The following TYW1B variants were observed in gnomAD, a reference collection of about 807,000 sequenced individuals.
The protein encoded by TYW1B is S-adenosyl-L-methionine-dependent tRNA 4-demethylwyosine synthase TYW1B.
TYW1B carries 73 observed loss-of-function variants against 86.9 expected under a neutral mutation model. The observed-to-expected ratio is 0.84, with a 90% CI of 0.70 to 1.02. The LOEUF (loss-of-function observed/expected upper bound fraction) is 1.02, where lower values mean the gene tolerates loss of function less well. Ranked by LOEUF, TYW1B falls within the 50% of genes least tolerant of loss-of-function variation. The probability of loss-of-function intolerance (pLI) is 0.00; values close to 1 mark genes in which losing one functional copy is unlikely to be tolerated. For missense variants in TYW1B, 637 were observed against 827.4 expected (o/e 0.77, Z 2.82); for synonymous variants, 248 against 292.8 (o/e 0.85, Z 1.56).
At chr7:72,750,657 C>T (rs1787484223) in intron 7 of TYW1B, among the ~76,000 whole-genome samples, 1 of 152,148 alleles carries the variant, frequency 6.6e-6, no homozygotes, top group South Asian at 2.1e-4. Context: ...ACTCTTTCAG[C>T]ACCACTCATG....
At chr7:72,748,294 G>C (rs1787431572) in intron 7 of TYW1B, among the ~76,000 whole-genome samples, 2 of 152,022 alleles carry the variant, frequency 1.3e-5, no homozygotes, top group South Asian at 4.1e-4. Context: ...GAATACAATT[G>C]ATTTTTGTGC....
chr7:72,821,594 G>C (rs1316948945), intron 2 of TYW1B, among the ~76,000 whole-genome samples: 8 of 152,194 alleles, frequency 5.3e-5, no homozygotes, highest in African/African-American at 1.9e-4. Flanking sequence ...CTTTTGGAGA[G>C]CCTCTCTATG....
chr7:72,671,042 G>A (rs1813588927), intron 11 of TYW1B, among the ~76,000 whole-genome samples: 1 of 152,036 alleles, frequency 6.6e-6, no homozygotes. Flanking sequence ...TTTAATATCT[G>A]GTAAAAGTTC....
intron 7 of TYW1B, among the ~76,000 whole-genome samples, chr7:72,776,494 G>A (rs1787956135): frequency 8.0e-6 from 1 of 124,818 alleles, no homozygotes; most frequent in Non-Finnish European, 1.6e-5. Flanking sequence ...CCAGGAGGCA[G>A]AGGTTACAGT....
chr7:72,658,238 G>A (rs566024365), intron 11 of TYW1B, among the ~76,000 whole-genome samples: 82 of 150,862 alleles, frequency 5.4e-4, no homozygotes, highest in Middle Eastern at 6.8e-3. Context: ...GTGACAGAGC[G>A]AGACTCCGTC....
chr7:72,654,516 G>A (rs1813151011), intron 11 of TYW1B, among the ~76,000 whole-genome samples: 1 of 152,132 alleles, frequency 6.6e-6, no homozygotes. Context: ...ATGGGATCCT[G>A]GAATATAAAA....
intron 7 of TYW1B, among the ~76,000 whole-genome samples, chr7:72,749,378 C>G (rs564137748): frequency 1.3e-5 from 2 of 152,296 alleles, no homozygotes; most frequent in Admixed American, 1.3e-4. Context: ...ACTGCAAGCT[C>G]TGCCTCTTGG....
chr7:72,701,741 T>C (rs1281144924), intron 10 of TYW1B, among the ~76,000 whole-genome samples: 15 of 152,326 alleles, frequency 9.8e-5, no homozygotes, highest in Middle Eastern at 3.4e-3. Flanking sequence ...CCGATATTCA[T>C]TGTTGTGTTT....
chr7:72,627,246 G>A (rs879962599), intron 12 of TYW1B, among the ~76,000 whole-genome samples: 1 of 151,986 alleles, frequency 6.6e-6, no homozygotes, highest in Non-Finnish European at 1.5e-5. Context: ...TCAGGAGTTC[G>A]AGAGCAGCCT....
intron 6 of TYW1B, among the ~76,000 whole-genome samples, chr7:72,801,886 A>G (rs1468869799): frequency 3.3e-5 from 5 of 152,150 alleles, no homozygotes; most frequent in African/African-American, 1.2e-4. Flanking sequence ...TTCACTTGGA[A>G]TCTCAACCAT....
chr7:72,669,627 T>C (rs1554445964), intron 11 of TYW1B, among the ~76,000 whole-genome samples: 1 of 149,166 alleles, frequency 6.7e-6, no homozygotes, highest in Non-Finnish European at 1.5e-5. Context: ...CCAGGCATGG[T>C]GGCATGGTGG....
intron 6 of TYW1B, among the ~76,000 whole-genome samples, chr7:72,786,204 A>T (rs1788126976): frequency 6.6e-6 from 1 of 152,186 alleles, no homozygotes; most frequent in African/African-American, 2.4e-5. Flanking sequence ...CATATCCCCT[A>T]GAAATTGAAA....
chr7:72,583,321 G>A lies in TYW1B; in HGVS notation c.1786-7602C>T, dbSNP rs548995375. 7.5e-4 allele frequency among the ~76,000 whole-genome samples: 115 copies of A among 152,336 alleles called. 5 individuals carry two copies. The South Asian group carries it at 0.024, about 31-fold the overall frequency. On this transcript the variant is annotated intron_variant, in intron 13 of 13. Coordinates refer to ENST00000620995, the MANE Select transcript of TYW1B (RefSeq NM_001145440.3). ...GCCGAGATCGTGCCACTGCACTCCA[G>A]CCTGGGGGACAGAGCAAGACTCCGC...
chr7:72,673,551 C>A (rs1353874081), intron 11 of TYW1B, among the ~76,000 whole-genome samples: 1 of 152,090 alleles, frequency 6.6e-6, no homozygotes, highest in Non-Finnish European at 1.5e-5. Flanking sequence ...AAAATCAAAA[C>A]AATTCAACTC....
At chr7:72,603,919 C>T (rs1811736459) in intron 13 of TYW1B, among the ~76,000 whole-genome samples, 1 of 152,028 alleles carries the variant, frequency 6.6e-6, no homozygotes, top group Admixed American at 6.5e-5. Context: ...CTAAAGAGAA[C>T]TGACAACTAA....
chr7:72,702,350 G>A (rs1814495202), intron 10 of TYW1B, among the ~76,000 whole-genome samples: 1 of 152,030 alleles, frequency 6.6e-6, no homozygotes, highest in African/African-American at 2.4e-5. Context: ...ACAGCTGCCG[G>A]GCTGCTGGTT....
intron 11 of TYW1B, among the ~76,000 whole-genome samples, chr7:72,652,462 T>TACTACATAC (rs1257671409): frequency 6.6e-6 from 1 of 151,388 alleles, no homozygotes; most frequent in Non-Finnish European, 1.5e-5. Flanking sequence ...AATTAACTAT[T>TACTACATAC]ACTACATACA....
Position 72,750,865 on chromosome 7 carries a change from G to A in TYW1B, c.965-6264C>T, listed in dbSNP as rs144727756. ...TCCGACATCCAAAACATTCCAATGA[G>A]TATTTCCTTTGATCATCATGTCAGT... On this transcript the variant is annotated intron_variant, in intron 7 of 13. Transcript: ENST00000620995. 3.7e-3 allele frequency among the ~76,000 whole-genome samples: 558 copies of A among 152,246 alleles called. 2 individuals are homozygous for A. Among genetic ancestry groups the A allele is most frequent in the Non-Finnish European group, 6.2e-3 (424 of 68,008 alleles).
intron 11 of TYW1B, among the ~76,000 whole-genome samples, chr7:72,663,211 C>T (rs1457977478): frequency 6.6e-5 from 10 of 152,032 alleles, no homozygotes; most frequent in African/African-American, 1.9e-4. Context: ...GTTGGCGGCA[C>T]GATGACTTCT....
Sources: allele counts gnomAD v4.1 joint callset (sites outside exome capture counted in the v4.1 genomes callset), GRCh38; gene constraint gnomAD v4.1.1; transcripts MANE v1.5; gene names NCBI Gene and HGNC (gene_info 2026-07-23, HGNC 2026-07-21).